The following TPO variants were observed in gnomAD, a reference collection of about 807,000 sequenced individuals.
TPO encodes thyroid peroxidase, also known as thyroid microsomal antigen.
A neutral mutation model predicts 96.9 loss-of-function variants in TPO; 78 were observed. That is an observed-to-expected ratio of 0.81 (90% confidence interval 0.67 to 0.97). The LOEUF is 0.97. Among genes scored for constraint, TPO ranks in the 50% least tolerant of loss-of-function variants. The pLI is 0.00. For missense variants in TPO, 1,252 were observed against 1,274.8 expected (o/e 0.98, Z 0.27); for synonymous variants, 547 against 538.0 (o/e 1.02, Z -0.23).
chr2:1,493,157 G>GA (rs1259563666), intron 10 of TPO, among the ~76,000 whole-genome samples: 1 of 145,386 alleles, frequency 6.9e-6, no homozygotes, highest in Non-Finnish European at 1.5e-5. Flanking sequence ...CTTCAATATG[G>GA]AGATGAGTGG....
intron 7 of TPO, among the ~76,000 whole-genome samples, chr2:1,474,089 A>G (rs1669685227): frequency 6.6e-6 from 1 of 152,166 alleles, no homozygotes; most frequent in South Asian, 2.1e-4. Flanking sequence ...CCTTAATTTT[A>G]AATTAAATTG....
chr2:1,428,110 G>C (rs1348767927), intron 3 of TPO, among the ~76,000 whole-genome samples: 2 of 152,170 alleles, frequency 1.3e-5, no homozygotes, highest in Non-Finnish European at 2.9e-5. Flanking sequence ...TCCCTAATTT[G>C]AGTTTGATTT....
In TPO at chr2:1,397,893, C is replaced by G. The variant is rs17729844; in HGVS notation, n.180+23491C>G. Among the ~76,000 whole-genome samples the G allele has an allele frequency of 6.5e-3, 990 of 152,338 alleles. 3 individuals carry two copies. Among genetic ancestry groups the G allele is most frequent in the Non-Finnish European group, 0.011 (724 of 68,038 alleles). On this transcript the variant is annotated intron_variant and non_coding_transcript_variant, in intron 1 of 5. Coordinates refer to the TPO transcript ENST00000497517. ...AAACCCAGACACATGTCAGAAGCTC[C>G]TTTATCCAGCTCCCATGGGGCGTAC...
chr2:1,431,656 T>C (rs185514858), intron 3 of TPO, among the ~76,000 whole-genome samples: 10 of 152,322 alleles, frequency 6.6e-5, no homozygotes, highest in African/African-American at 2.4e-4. Flanking sequence ...AAATCTCTCT[T>C]AGCACATTAG....
At chr2:1,461,728 G>A (rs1173539145) in intron 7 of TPO, among the ~76,000 whole-genome samples, 4 of 152,112 alleles carry the variant, frequency 2.6e-5, no homozygotes, top group African/African-American at 4.8e-5. Flanking sequence ...ACAGGCACAC[G>A]CACCTATACA....
chr2:1,516,493 C>A (rs961421290), intron 14 of TPO, among the ~76,000 whole-genome samples: 1 of 152,326 alleles, frequency 6.6e-6, no homozygotes, highest in Admixed American at 6.5e-5. Flanking sequence ...CCTTGCGAAC[C>A]TTTCCCGCCC....
intron 10 of TPO, among the ~76,000 whole-genome samples, chr2:1,491,042 C>T (rs982142486): frequency 6.6e-6 from 1 of 152,106 alleles, no homozygotes; most frequent in African/African-American, 2.4e-5. Context: ...TGGTGGCAGA[C>T]ACCTGTAATC....
chr2:1,533,971 T>A (rs1472191737), intron 15 of TPO, among the ~76,000 whole-genome samples: 1 of 97,184 alleles, frequency 1.0e-5, no homozygotes, highest in Non-Finnish European at 2.1e-5. Context: ...CACCACTCTG[T>A]GCAACCTCCC....
At chr2:1,512,151 A>C (rs1674209913) in intron 14 of TPO, among the ~76,000 whole-genome samples, 1 of 151,930 alleles carries the variant, frequency 6.6e-6, no homozygotes, top group Admixed American at 6.5e-5. Flanking sequence ...CTCCTGCCTC[A>C]GCCTCCCGAG....
intron 10 of TPO, among the ~76,000 whole-genome samples, chr2:1,493,522 T>G (rs1486548128): frequency 2.2e-5 from 2 of 91,140 alleles, no homozygotes; most frequent in East Asian, 5.8e-4. Context: ...CCTGGCAAAC[T>G]GCTGGGCAGT....
chr2:1,470,100 A>T (rs966431566), intron 7 of TPO, among the ~76,000 whole-genome samples: 2 of 152,238 alleles, frequency 1.3e-5, no homozygotes, highest in Non-Finnish European at 2.9e-5. Flanking sequence ...ATTTTTCAGC[A>T]ACAATTAATC....
Position 1,375,391 on chromosome 2 carries a change from G to A in TPO, n.180+989G>A, listed in dbSNP as rs531068020. On this transcript the variant is annotated intron_variant and non_coding_transcript_variant, in intron 1 of 5. Transcript: ENST00000497517. ...TGTTGCTAAGATTGAGAATGTGCCC[G>A]GAAAAAACAAACACAAGTCCCAGTG... is the stretch of plus-strand genomic sequence containing the variant. 3.0e-4 allele frequency among the ~76,000 whole-genome samples: 45 copies of A among 152,124 alleles called. No homozygotes were observed. The South Asian group carries it at 3.5e-3, about 12-fold the overall frequency.
At chr2:1,457,345 AGT>A (rs1247559042) in intron 7 of TPO, among the ~76,000 whole-genome samples, 1 of 117,650 alleles carries the variant, frequency 8.5e-6, no homozygotes, top group Non-Finnish European at 1.8e-5. Flanking sequence ...CATGCATGAT[AGT>A]GTGTGGGCAG....
intron 3 of TPO, among the ~76,000 whole-genome samples, chr2:1,430,470 G>A (rs1050700566): frequency 6.6e-6 from 1 of 152,236 alleles, no homozygotes; most frequent in Non-Finnish European, 1.5e-5. Context: ...CATGCTGAGG[G>A]GGAATGTGAG....
chr2:1,484,192 T>C lies in TPO; in HGVS notation c.1339-404T>C, dbSNP rs556038333. 2.0e-4 allele frequency among the ~76,000 whole-genome samples: 31 copies of C among 152,350 alleles called. No individual in the cohort carries two copies. In the South Asian group the frequency reaches 6.4e-3, roughly 32 times the overall value. ...CAGAGCTCTCTGCCATACAACATGC[T>C]TTGATTTAATCCTCACAAAGGCTCT... On this transcript the variant is annotated intron_variant, in intron 8 of 16. Coordinates refer to ENST00000329066, the MANE Select transcript of TPO (RefSeq NM_001206744.2).
At chr2:1,452,475 C>T (rs867413595) in intron 5 of TPO, among the ~76,000 whole-genome samples, 99 of 152,276 alleles carry the variant, frequency 6.5e-4, no homozygotes, top group African/African-American at 2.3e-3. Flanking sequence ...AGGAATTATA[C>T]GGTTGCCCTA....
At chr2:1,396,613 G>A (rs1351510322) in intron 1 of TPO, among the ~76,000 whole-genome samples, 2 of 152,186 alleles carry the variant, frequency 1.3e-5, no homozygotes, top group Admixed American at 6.6e-5. Flanking sequence ...AGAATGAGCC[G>A]CTGTTCTTTC....
chr2:1,525,147 T>C (rs1372785447), intron 15 of TPO, among the ~76,000 whole-genome samples: 2 of 114,180 alleles, frequency 1.8e-5, no homozygotes, highest in South Asian at 3.0e-4. Context: ...TCACCCTCAC[T>C]GTGTGCAACC....
intron 15 of TPO, among the ~76,000 whole-genome samples, chr2:1,529,147 G>C (rs1365568379): frequency 6.3e-4 from 40 of 63,572 alleles, no homozygotes; most frequent in Middle Eastern, 0.017. Flanking sequence ...CCCACTGTGT[G>C]CAACCTCCCT....
Sources: allele counts gnomAD v4.1 joint callset (sites outside exome capture counted in the v4.1 genomes callset), GRCh38; gene constraint gnomAD v4.1.1; transcripts MANE v1.5; gene names NCBI Gene and HGNC (gene_info 2026-07-23, HGNC 2026-07-21).